The following DNAH12 variants were observed in gnomAD, a reference collection of about 807,000 sequenced individuals.
DNAH12 encodes the protein dynein axonemal heavy chain 12.
In DNAH12, 285 loss-of-function variants were observed where a neutral mutation model predicts 371.5. The observed-to-expected ratio is 0.77, with a 90% CI of 0.70 to 0.85. The LOEUF (loss-of-function observed/expected upper bound fraction) is 0.85. Among genes scored for constraint, DNAH12 ranks in the 40% least tolerant of loss-of-function variants. The pLI is 0.00. For missense variants in DNAH12, 3,611 were observed against 3,689.4 expected (o/e 0.98, Z 0.55); for synonymous variants, 1,200 against 1,213.0 (o/e 0.99, Z 0.22).
chr3:57,328,426 A>G (rs1394108721), intron 62 of DNAH12, among the ~76,000 whole-genome samples: 1 of 135,438 alleles, frequency 7.4e-6, no homozygotes, highest in African/African-American at 2.9e-5. Flanking sequence ...CAATAAATGT[A>G]ATCCAGCATA....
At chr3:57,415,060 T>C (rs2064322338) in intron 38 of DNAH12, among the ~76,000 whole-genome samples, 1 of 152,160 alleles carries the variant, frequency 6.6e-6, no homozygotes. Flanking sequence ...AGGAGGGTCT[T>C]GAGAGAACAA....
intron 34 of DNAH12, among the ~76,000 whole-genome samples, chr3:57,427,024 C>T (rs2153364224): frequency 6.6e-6 from 1 of 151,924 alleles, no homozygotes; most frequent in African/African-American, 2.4e-5. Flanking sequence ...AGTGGAATTG[C>T]TCATTTTTTT....
chr3:57,425,868 C>A (rs2064751568), intron 34 of DNAH12, among the ~76,000 whole-genome samples: 1 of 151,842 alleles, frequency 6.6e-6, no homozygotes. Context: ...ATAAAAGAAT[C>A]CCTAAAAATG....
chr3:57,552,304 G>A, the DNAH12 span, among the ~76,000 whole-genome samples: 24 of 150,712 alleles, frequency 1.6e-4, no homozygotes, highest in African/African-American at 3.7e-4. Context: ...CAATCCTCCC[G>A]TCTCAGCCTC....
At chr3:57,429,912 T>C (rs1031782807) in intron 32 of DNAH12, 138 bp from the exon 33 acceptor site, 5 of 700,204 alleles carry the variant, frequency 7.1e-6, no homozygotes, top group African/African-American at 5.6e-5. Flanking sequence ...AAAATCTTAA[T>C]TCTAGGTCTA....
At chr3:57,508,135 C>T (rs1162310211) in intron 7 of DNAH12, among the ~76,000 whole-genome samples, 1 of 143,368 alleles carries the variant, frequency 7.0e-6, no homozygotes, top group African/African-American at 2.6e-5. Context: ...TGCAGTGAGC[C>T]AAGATCGCAC....
intron 59 of DNAH12, among the ~76,000 whole-genome samples, chr3:57,352,695 G>A (rs1553661029): frequency 6.6e-6 from 1 of 151,808 alleles, no homozygotes; most frequent in Non-Finnish European, 1.5e-5. Flanking sequence ...TTAGTGTAAG[G>A]CTCTATGGTA....
In DNAH12 at chr3:57,408,295, G is replaced by C. The variant is rs1235075105; in HGVS notation, c.6261C>G (p.Val2087=). ...ATTGACTGACCTCCATAGTCCCATT[G>C]ACTATCTGGTTCCCAATTACAAAGT... ...PEYFVIGNQI[V]NGTMEIYKQS... Residue 2087 remains valine, a synonymous_variant, in exon 40 of 74, where the codon GTC becomes GTG. Transcript: ENST00000495027. The C allele has an allele frequency of 6.5e-7, 1 of 1,549,950 alleles. No individual in the cohort carries two copies. The highest frequency in any genetic ancestry group is 8.7e-7 in the Non-Finnish European group (1 of 1,146,224).
intron 69 of DNAH12, among the ~76,000 whole-genome samples, chr3:57,308,629 T>A (rs749275604): frequency 6.6e-6 from 1 of 152,182 alleles, no homozygotes; most frequent in Non-Finnish European, 1.5e-5. Flanking sequence ...TGCCCTGCTC[T>A]TGTTTACACT....
At chr3:57,402,517 T>C (rs2063902002) in intron 43 of DNAH12, 2 of 1,039,614 alleles carry the variant, frequency 1.9e-6, no homozygotes, top group Non-Finnish European at 2.6e-6. Flanking sequence ...CTAGAAACCA[T>C]TTATTTATCT....
rs2067965746 is a variant in DNAH12 at position 57,510,795 on chromosome 3, T to C, written c.464A>G (p.Tyr155Cys). 1 of 1,613,784 alleles carries C rather than the reference T, an allele frequency of 6.2e-7. No homozygotes were observed. Among genetic ancestry groups the C allele is most frequent in the Admixed American group, 1.7e-5 (1 of 59,902 alleles). The change falls in exon 5 of 74, where the codon TAT becomes TGT. Residue 155 changes from tyrosine to cysteine, a missense_variant. Transcript: ENST00000495027. Reference protein sequence around the residue: ...SSDFENSMKRYLVQSVLVKPP... With the variant: ...SSDFENSMKRCLVQSVLVKPP... The stretch of plus-strand genomic sequence containing the variant: ...GTGTGTTAGATGCTACTTACCCAAA[T>C]ATCTCTTCATGCTGTTTTCAAAGTC...
At chr3:57,310,248 T>C (rs2061558201) in intron 67 of DNAH12, among the ~76,000 whole-genome samples, 2 of 152,186 alleles carry the variant, frequency 1.3e-5, no homozygotes, top group South Asian at 2.1e-4. Flanking sequence ...AAACCCCCTT[T>C]CCTTTATCTA....
chr3:57,434,701 G>C (rs2065065543), intron 30 of DNAH12, among the ~76,000 whole-genome samples: 1 of 152,168 alleles, frequency 6.6e-6, no homozygotes, highest in Admixed American at 6.5e-5. Context: ...GTCATGCAAT[G>C]AATGATGAAA....
chr3:57,320,861 C>T (rs1475950638), intron 65 of DNAH12, among the ~76,000 whole-genome samples: 1 of 152,176 alleles, frequency 6.6e-6, no homozygotes, highest in African/African-American at 2.4e-5. Context: ...TCTCTTACCC[C>T]AGCTTTCATT....
chr3:57,302,548 TATATATATA>T (rs2061373420), intron 69 of DNAH12, among the ~76,000 whole-genome samples: 3 of 96,176 alleles, frequency 3.1e-5, no homozygotes, highest in Non-Finnish European at 4.1e-5. Flanking sequence ...TATATATATA[TATATATATA>T]TATATATGTA....
chr3:57,353,086 A>C (rs2062720920), intron 59 of DNAH12, among the ~76,000 whole-genome samples: 1 of 152,160 alleles, frequency 6.6e-6, no homozygotes, highest in Non-Finnish European at 1.5e-5. Flanking sequence ...ACTCCGTCTC[A>C]AAAAGAAAAT....
At chr3:57,555,857 G>C in the DNAH12 span, among the ~76,000 whole-genome samples, 1 of 152,232 alleles carries the variant, frequency 6.6e-6, no homozygotes, top group Admixed American at 6.5e-5. Flanking sequence ...GATCAGGGTC[G>C]GCAAAGCTGT....
At chr3:57,437,102 A>G (rs2065152133) in intron 29 of DNAH12, 42 bp from the exon 30 acceptor site, 2 of 1,190,562 alleles carry the variant, frequency 1.7e-6, no homozygotes, top group South Asian at 1.6e-5. Flanking sequence ...ACACAATATT[A>G]TAAATGTCAT....
chr3:57,405,184 A>C (rs2063986790), intron 41 of DNAH12, 37 bp from the exon 42 acceptor site: 1 of 1,459,532 alleles, frequency 6.9e-7, no homozygotes, highest in African/African-American at 1.5e-5. Flanking sequence ...AAAACTTAAA[A>C]CATTTAAAAA....
Sources: allele counts gnomAD v4.1 joint callset (sites outside exome capture counted in the v4.1 genomes callset), GRCh38; gene constraint gnomAD v4.1.1; transcripts MANE v1.5; gene names NCBI Gene and HGNC (gene_info 2026-07-23, HGNC 2026-07-21).